ADGRV1: variants seen among roughly 807,000 people sequenced by gnomAD.
The protein encoded by ADGRV1 is adhesion G protein-coupled receptor V1.
In ADGRV1, 359 loss-of-function variants were observed where a neutral mutation model predicts 596.2. The ratio of observed to expected loss-of-function variants is 0.60; its 90% CI spans 0.55 to 0.66. The LOEUF (loss-of-function observed/expected upper bound fraction) is 0.66. ADGRV1 is among the 30% of genes least tolerant of loss of function. The probability of loss-of-function intolerance (pLI) is 0.00; values close to 1 mark genes in which losing one functional copy is unlikely to be tolerated. For synonymous variants in ADGRV1, 2,681 were observed against 2,679.2 expected (o/e 1.00, Z -0.02); for missense variants, 7,274 against 7,575.6 (o/e 0.96, Z 1.48).
intron 29 of ADGRV1, among the ~76,000 whole-genome samples, chr5:90,689,573 TTCTC>T (rs1746193944): frequency 1.3e-5 from 2 of 152,088 alleles, no homozygotes. Flanking sequence ...TAATGAATGA[TTCTC>T]TATTTATATA....
chr5:90,815,825 T>C, intron 75 of ADGRV1, 89 bp downstream of exon 75: 1 of 779,324 alleles, frequency 1.3e-6, no homozygotes, highest in Admixed American at 2.1e-5. Flanking sequence ...GAGGGCAGGG[T>C]AAGATAGAAG....
intron 85 of ADGRV1, among the ~76,000 whole-genome samples, chr5:91,004,484 G>C (rs563585189): frequency 6.6e-6 from 1 of 151,726 alleles, no homozygotes; most frequent in African/African-American, 2.4e-5. Flanking sequence ...TTTGGGGAAC[G>C]CTTAGGGAAA....
At position 90,576,576 on chromosome 5, in the gene ADGRV1, G is replaced by C. The variant is rs1037231290; in HGVS notation, c.22+17659G>C. Among the ~76,000 whole-genome samples, 52 of 152,158 alleles carry C rather than the reference G, an allele frequency of 3.4e-4. 1 individual carries two copies. Among genetic ancestry groups the C allele is most frequent in the Admixed American group, 1.5e-3 (23 of 15,274 alleles). ...GTGAATAGTGCCGCAACAAAAATAC[G>C]TGTGCATGTGTCTTTATAGTAGCAT... On this transcript the variant is annotated intron_variant, in intron 1 of 89. Coordinates refer to ENST00000405460, the MANE Select transcript of ADGRV1 (RefSeq NM_032119.4).
rs1220353489 is a variant in ADGRV1 at position 90,815,710 on chromosome 5, C to T, written c.16170C>T (p.His5390=). The change falls in exon 75 of 90, where the codon CAC becomes CAT. Residue 5390 remains histidine, a synonymous_variant. Coordinates refer to ENST00000405460, the MANE Select transcript of ADGRV1 (RefSeq NM_032119.4). ...AAGGAGCTGTTATGAGAAGATTGCACCTTATTGTCACAAGACAGCCAAACA... is the reference window on the plus strand; with the variant it reads ...AAGGAGCTGTTATGAGAAGATTGCATCTTATTGTCACAAGACAGCCAAACA... ...LREGAVMRRL[H]LIVTRQPNRA... 6 of 1,564,388 alleles carry T rather than the reference C, an allele frequency of 3.8e-6. No individual in the cohort carries two copies. Among genetic ancestry groups the T allele is most frequent in the Non-Finnish European group, 3.5e-6 (4 of 1,151,352 alleles).
chr5:91,032,596 T>A (rs140382152), intron 85 of ADGRV1, among the ~76,000 whole-genome samples: 19 of 151,972 alleles, frequency 1.3e-4, no homozygotes, highest in African/African-American at 4.3e-4. Context: ...ATATATATAT[T>A]TTACTAAGTC....
At chr5:90,847,375 G>A (rs903416263) in intron 78 of ADGRV1, among the ~76,000 whole-genome samples, 5 of 152,238 alleles carry the variant, frequency 3.3e-5, no homozygotes, top group Non-Finnish European at 5.9e-5. Flanking sequence ...GATACAGAGT[G>A]CCGATTGGTG....
At chr5:90,908,381 A>G (rs1772519458) in intron 83 of ADGRV1, among the ~76,000 whole-genome samples, 1 of 152,122 alleles carries the variant, frequency 6.6e-6, no homozygotes, top group Non-Finnish European at 1.5e-5. Flanking sequence ...AGACAATTCA[A>G]TTGTACGCTT....
chr5:90,952,810 A>C (rs1317060852), intron 83 of ADGRV1, among the ~76,000 whole-genome samples: 1 of 152,074 alleles, frequency 6.6e-6, no homozygotes, highest in Non-Finnish European at 1.5e-5. Flanking sequence ...TTTCTTCCAC[A>C]CAGTACTCCT....
At chr5:90,734,041 A>G (rs1168407617) in intron 50 of ADGRV1, among the ~76,000 whole-genome samples, 1 of 152,104 alleles carries the variant, frequency 6.6e-6, no homozygotes, top group African/African-American at 2.4e-5. Flanking sequence ...TGCCTAGCTT[A>G]TTTACTTGGC....
chr5:90,660,498 A>G (rs1048299180), intron 21 of ADGRV1, among the ~76,000 whole-genome samples: 7 of 151,690 alleles, frequency 4.6e-5, no homozygotes, highest in Admixed American at 1.3e-4. Flanking sequence ...ATTCTTCTCC[A>G]TTATGTTGTT....
At chr5:90,842,345 C>T (rs1429662505) in intron 78 of ADGRV1, among the ~76,000 whole-genome samples, 1 of 152,038 alleles carries the variant, frequency 6.6e-6, no homozygotes, top group Non-Finnish European at 1.5e-5. Flanking sequence ...GCAAACAGTA[C>T]AATTTTCTCA....
At chr5:91,089,543 G>A (rs1790203390) in intron 86 of ADGRV1, among the ~76,000 whole-genome samples, 1 of 152,122 alleles carries the variant, frequency 6.6e-6, no homozygotes, top group African/African-American at 2.4e-5. Context: ...TCCAGATTGA[G>A]GGTCTATCAG....
At position 90,720,150 on chromosome 5, in the gene ADGRV1, G is replaced by A. The variant is rs1309877018; in HGVS notation, c.9550G>A (p.Val3184Ile). The A allele has an allele frequency of 5.6e-6, 9 of 1,612,472 alleles. No individual in the cohort carries two copies. Among genetic ancestry groups the A allele is most frequent in the Non-Finnish European group, 7.6e-6 (9 of 1,179,264 alleles). ...PTGGARLGVHVQTLITVLQNQ... is the reference protein window; with the variant it reads ...PTGGARLGVHIQTLITVLQNQ... The stretch of plus-strand genomic sequence containing the variant: ...TGGAGGTGCTAGACTAGGGGTGCAT[G>A]TTCAAACCCTGATAACAGTTTTGCA... Residue 3184 changes from valine to isoleucine, a missense_variant, in exon 44 of 90, where the codon GTT (valine) becomes ATT (isoleucine). Coordinates refer to ENST00000405460, the MANE Select transcript of ADGRV1 (RefSeq NM_032119.4).
chr5:90,694,110 T>G lies in ADGRV1; in HGVS notation c.7354T>G (p.Phe2452Val), dbSNP rs1359261958. 6.2e-7 allele frequency: 1 copy of G among 1,613,772 alleles called. No individual in the cohort carries two copies. Among genetic ancestry groups the G allele is most frequent in the South Asian group, 1.1e-5 (1 of 91,062 alleles). The change falls in exon 33 of 90, where the codon TTT becomes GTT. Residue 2452 changes from phenylalanine to valine, a missense_variant. Transcript: ENST00000405460. ...LCLKEQACSA[F>V]SFFSASEGPQ... is the part of the protein sequence containing the mutation. ...CCTTAAGGAACAAGCTTGCTCAGCG[T>G]TTTCATTTTTCAGTGCTTCTGAGGG... is the stretch of plus-strand genomic sequence containing the variant.
intron 85 of ADGRV1, among the ~76,000 whole-genome samples, chr5:91,050,187 G>A (rs1786190484): frequency 6.6e-6 from 1 of 152,184 alleles, no homozygotes; most frequent in African/African-American, 2.4e-5. Flanking sequence ...CTTGACATTT[G>A]AGGACTAGCA....
chr5:91,011,751 AG>A (rs200182345), intron 85 of ADGRV1, among the ~76,000 whole-genome samples: 2 of 151,234 alleles, frequency 1.3e-5, no homozygotes, highest in Non-Finnish European at 1.5e-5. Context: ...TGATAAGGCC[AG>A]GGGGGAAAAA....
intron 85 of ADGRV1, among the ~76,000 whole-genome samples, chr5:91,014,626 GTA>G (rs35993885): frequency 0.7 from 106,620 of 151,362 alleles, 37,924 homozygotes; most frequent in African/African-American, 0.82. Context: ...TCTTGGGAAA[GTA>G]TATGTGTCCA....
intron 89 of ADGRV1, among the ~76,000 whole-genome samples, chr5:91,157,838 A>G (rs1374679568): frequency 6.6e-6 from 1 of 152,226 alleles, no homozygotes; most frequent in Non-Finnish European, 1.5e-5. Context: ...TTCCCATACT[A>G]TCTTGTACTC....
At chr5:90,899,809 T>G (rs1771672973) in intron 83 of ADGRV1, among the ~76,000 whole-genome samples, 1 of 152,186 alleles carries the variant, frequency 6.6e-6, no homozygotes, top group African/African-American at 2.4e-5. Context: ...CAATCTGTTC[T>G]ACCTCACCTG....
Sources: gnomAD v4.1 joint callset for allele counts (sites outside exome capture counted in the v4.1 genomes callset) on GRCh38, gnomAD v4.1.1 for gene constraint, MANE v1.5 for transcripts, NCBI Gene and HGNC (gene_info 2026-07-23, HGNC 2026-07-21) for gene names.